DYM: variants seen among roughly 807,000 people sequenced by gnomAD.
DYM encodes the protein dyggve-Melchior-Clausen syndrome protein.
Under a neutral mutation model 93.1 loss-of-function variants are expected in DYM, and 78 were observed. The ratio of observed to expected loss-of-function variants is 0.84; its 90% CI spans 0.70 to 1.01. The LOEUF (loss-of-function observed/expected upper bound fraction) is 1.01. Among genes scored for constraint, DYM ranks in the 50% least tolerant of loss-of-function variants. DYM has a pLI of 0.00. For synonymous variants in DYM, 321 were observed against 319.7 expected, an observed-to-expected ratio of 1.00 and a Z score of -0.04; for missense variants, 789 against 845.0, an observed-to-expected ratio of 0.93 and a Z score of 0.82.
At chr18:49,166,989 CGTGT>C (rs61299099) in intron 14 of DYM, among the ~76,000 whole-genome samples, 18,045 of 141,778 alleles carry the variant, frequency 0.13, 1,424 homozygotes, top group East Asian at 0.32. Flanking sequence ...TCTCACATTC[CGTGT>C]GTGTGTGTGT....
At chr18:49,394,283 A>C (rs768161666) in intron 2 of DYM, among the ~76,000 whole-genome samples, 10 of 152,314 alleles carry the variant, frequency 6.6e-5, no homozygotes, top group Admixed American at 3.3e-4. Flanking sequence ...CAGTACCTTC[A>C]TAAGGTTATT....
At chr18:49,289,758 T>A (rs55668676) in intron 8 of DYM, among the ~76,000 whole-genome samples, 1 of 38,166 alleles carries the variant, frequency 2.6e-5, no homozygotes, top group African/African-American at 6.9e-5. Flanking sequence ...TATATATATA[T>A]ATATATATAT....
At chr18:49,459,923 G>GT (rs1448822149) in intron 1 of DYM, among the ~76,000 whole-genome samples, 1 of 146,444 alleles carries the variant, frequency 6.8e-6, no homozygotes, top group African/African-American at 2.5e-5. Context: ...TGGGGCGGGG[G>GT]GGGCGGTGAT....
chr18:49,251,115 G>A (rs1364390493), intron 13 of DYM, among the ~76,000 whole-genome samples: 1 of 152,190 alleles, frequency 6.6e-6, no homozygotes, highest in Non-Finnish European at 1.5e-5. Context: ...GTCCCCTGGG[G>A]GGCAAAATCA....
chr18:49,168,158 T>C (rs926799978), intron 14 of DYM, among the ~76,000 whole-genome samples: 3 of 152,148 alleles, frequency 2.0e-5, no homozygotes, highest in Non-Finnish European at 4.4e-5. Flanking sequence ...ACACTTAGGA[T>C]AGCCACTGTT....
At chr18:49,048,861 G>C (rs1229772206) in intron 17 of DYM, among the ~76,000 whole-genome samples, 1 of 152,176 alleles carries the variant, frequency 6.6e-6, no homozygotes, top group Non-Finnish European at 1.5e-5. Context: ...AATGCCTCAA[G>C]TTGATGTTGA....
intron 2 of DYM, among the ~76,000 whole-genome samples, chr18:49,405,818 T>G (rs548805311): frequency 6.6e-6 from 1 of 152,334 alleles, no homozygotes; most frequent in East Asian, 1.9e-4. Context: ...CTTCGGACAG[T>G]ATGGCCATTT....
chr18:49,063,881 G>A (rs796564302), intron 17 of DYM, among the ~76,000 whole-genome samples: 45 of 152,114 alleles, frequency 3.0e-4, no homozygotes, highest in African/African-American at 1.1e-3. Context: ...CACCTGACTT[G>A]GCCTTCCAAA....
At chr18:49,255,297 G>A (rs1338550715) in intron 13 of DYM, among the ~76,000 whole-genome samples, 1 of 152,170 alleles carries the variant, frequency 6.6e-6, no homozygotes, top group African/African-American at 2.4e-5. Flanking sequence ...AGGATCCCTT[G>A]AGCCCAGGAG....
chr18:49,140,967 T>C (rs538727988), intron 15 of DYM, among the ~76,000 whole-genome samples: 2 of 152,210 alleles, frequency 1.3e-5, no homozygotes, highest in Non-Finnish European at 1.5e-5. Flanking sequence ...CAATCTTCCA[T>C]GTATAGTTGT....
At chr18:49,170,095 G>A (rs9952841) in intron 14 of DYM, among the ~76,000 whole-genome samples, 3,818 of 152,240 alleles carry the variant, frequency 0.025, 154 homozygotes, top group African/African-American at 0.086. Flanking sequence ...ATTAATAACA[G>A]TAGCAGCAGT....
At chr18:49,256,677 G>T (rs910130466) in intron 13 of DYM, among the ~76,000 whole-genome samples, 4 of 152,204 alleles carry the variant, frequency 2.6e-5, no homozygotes, top group Non-Finnish European at 4.4e-5. Context: ...ATCCTTAAAA[G>T]TGTAGTGTGA....
intron 2 of DYM, among the ~76,000 whole-genome samples, chr18:49,419,870 A>G (rs1216610406): frequency 6.6e-6 from 1 of 152,254 alleles, no homozygotes; most frequent in African/African-American, 2.4e-5. Context: ...GAATTTACAT[A>G]AGTGAAAAGA....
At chr18:49,217,986 C>G (rs1010509250) in intron 13 of DYM, among the ~76,000 whole-genome samples, 10 of 152,136 alleles carry the variant, frequency 6.6e-5, no homozygotes, top group African/African-American at 2.4e-4. Flanking sequence ...CAAGACCCAT[C>G]AGTGTGCTGT....
At chr18:49,239,586 C>A (rs533430037) in intron 13 of DYM, among the ~76,000 whole-genome samples, 1 of 152,212 alleles carries the variant, frequency 6.6e-6, no homozygotes, top group Non-Finnish European at 1.5e-5. Context: ...CTTGGGATGT[C>A]CCCTCTTGGG....
At chr18:49,052,579 G>C (rs2075116639) in intron 17 of DYM, among the ~76,000 whole-genome samples, 1 of 152,202 alleles carries the variant, frequency 6.6e-6, no homozygotes, top group Non-Finnish European at 1.5e-5. Flanking sequence ...GTGAGGCTAA[G>C]GGAAGTCCAA....
intron 6 of DYM, among the ~76,000 whole-genome samples, chr18:49,360,837 C>T (rs2065956317): frequency 6.6e-6 from 1 of 152,142 alleles, no homozygotes; most frequent in Non-Finnish European, 1.5e-5. Context: ...ATATGGGATC[C>T]AGGGCCAATG....
intron 17 of DYM, among the ~76,000 whole-genome samples, chr18:49,053,060 C>T (rs939813759): frequency 6.6e-6 from 1 of 152,188 alleles, no homozygotes; most frequent in African/African-American, 2.4e-5. Flanking sequence ...TTACAGCAAT[C>T]CTGTTGTTTT....
chr18:49,409,298 A>AAG (rs1568394554), intron 2 of DYM, among the ~76,000 whole-genome samples: 1 of 150,760 alleles, frequency 6.6e-6, no homozygotes. Context: ...AAAAAAAAAA[A>AAG]AGAAAAAAAA....
Sources: gnomAD v4.1 joint callset for allele counts (sites outside exome capture counted in the v4.1 genomes callset) on GRCh38, gnomAD v4.1.1 for gene constraint, MANE v1.5 for transcripts, NCBI Gene and HGNC (gene_info 2026-07-23, HGNC 2026-07-21) for gene names.